The following PAPOLA variants were observed in gnomAD, a reference collection of about 807,000 sequenced individuals.
PAPOLA encodes polynucleotide adenylyltransferase alpha.
Under a neutral mutation model 100.6 loss-of-function variants are expected in PAPOLA, and 15 were observed. The observed-to-expected ratio is 0.15, with a 90% CI of 0.10 to 0.23. The LOEUF is 0.23. Ranked by LOEUF, PAPOLA falls within the 10% of genes least tolerant of loss-of-function variation. The pLI, the probability that PAPOLA is intolerant of heterozygous loss-of-function variation, is 1.00. For missense variants in PAPOLA, 533 were observed against 884.2 expected (o/e 0.60, Z 5.04); for synonymous variants, 293 against 300.0 (o/e 0.98, Z 0.24).
chr14:96,564,915 G>A (rs1334277602), intron 21 of PAPOLA, 40 bp from the exon 22 acceptor site: 1 of 994,734 alleles, frequency 1.0e-6, no homozygotes, highest in South Asian at 1.3e-5. Flanking sequence ...TTAAATTATG[G>A]TGCTTTGAAC....
intron 1 of PAPOLA, among the ~76,000 whole-genome samples, chr14:96,514,334 C>G (rs576822763): frequency 6.6e-6 from 1 of 151,938 alleles, no homozygotes; most frequent in Admixed American, 6.6e-5. Context: ...CCACCACGCC[C>G]GGCTAATTTT....
intron 12 of PAPOLA, 135 bp downstream of exon 12, chr14:96,537,195 T>C: frequency 1.6e-6 from 1 of 624,228 alleles, no homozygotes; most frequent in Non-Finnish European, 2.9e-6. Context: ...CATACTGTTT[T>C]AGTGAACTCC....
At chr14:96,522,834 A>G (rs1898114958) in intron 3 of PAPOLA, among the ~76,000 whole-genome samples, 1 of 152,236 alleles carries the variant, frequency 6.6e-6, no homozygotes, top group South Asian at 2.1e-4. Context: ...ATTTAAAAAA[A>G]TAACATAAAT....
At chr14:96,547,363 A>G (rs1196591368) in intron 15 of PAPOLA, among the ~76,000 whole-genome samples, 1 of 152,166 alleles carries the variant, frequency 6.6e-6, no homozygotes, top group Non-Finnish European at 1.5e-5. Context: ...TTTATCTTGC[A>G]GATTCTTGTA....
At chr14:96,531,882 T>C in intron 7 of PAPOLA, 3 of 1,366,974 alleles carry the variant, frequency 2.2e-6, no homozygotes, top group Non-Finnish European at 2.8e-6. Flanking sequence ...TAACCCAAAT[T>C]AATTTTGATC....
At position 96,520,187 on chromosome 14, in the gene PAPOLA, A is replaced by C. The variant is rs1897829464; in HGVS notation, c.141A>C (p.Lys47Asn). The change falls in exon 2 of 22, where the codon AAA becomes AAC. Residue 47 changes from lysine (K) to asparagine (N), a missense_variant. Around this residue, in one of 9 missense-constraint regions of PAPOLA, gnomAD observed 54 missense variants for 133.2 expected, o/e 0.41. Transcript: ENST00000216277. ...CACAGAAACTAATTGAGACATTGAAACCCTTTGGGGTTTTTGAAGAGGAAG... is the reference window on the plus strand; with the variant it reads ...CACAGAAACTAATTGAGACATTGAACCCCTTTGGGGTTTTTGAAGAGGAAG... ...VLTQKLIETL[K>N]PFGVFEEEEE... 6.2e-7 allele frequency: 1 copy of C among 1,613,794 alleles called. No homozygotes were observed. The highest frequency in any genetic ancestry group is 8.5e-7 in the Non-Finnish European group (1 of 1,179,910).
At chr14:96,539,492 T>G (rs891867277) in intron 12 of PAPOLA, among the ~76,000 whole-genome samples, 1 of 152,128 alleles carries the variant, frequency 6.6e-6, no homozygotes, top group Non-Finnish European at 1.5e-5. Context: ...AATTAAGTGT[T>G]TTTAGGGCAC....
At chr14:96,562,991 T>G (rs991955503) in intron 21 of PAPOLA, 98 bp downstream of exon 21, 1 of 710,460 alleles carries the variant, frequency 1.4e-6, no homozygotes, top group African/African-American at 1.8e-5. Context: ...CTATTAAAAT[T>G]AATCTTTCTG....
intron 2 of PAPOLA, among the ~76,000 whole-genome samples, chr14:96,520,776 T>G (rs1228310975): frequency 6.6e-6 from 1 of 152,086 alleles, no homozygotes; most frequent in Non-Finnish European, 1.5e-5. Flanking sequence ...TACTGAATTG[T>G]CTGGAGAAAA....
At chr14:96,557,406 A>G (rs571147053) in intron 19 of PAPOLA, among the ~76,000 whole-genome samples, 1 of 152,284 alleles carries the variant, frequency 6.6e-6, no homozygotes, top group African/African-American at 2.4e-5. Flanking sequence ...AGTTTTGGGA[A>G]AACCATTAAA....
chr14:96,529,000 T>G (rs142057983), intron 6 of PAPOLA, among the ~76,000 whole-genome samples: 10 of 152,092 alleles, frequency 6.6e-5, no homozygotes, highest in African/African-American at 2.4e-4. Flanking sequence ...AAAGAGGACT[T>G]TTTTTTGGAA....
intron 12 of PAPOLA, among the ~76,000 whole-genome samples, chr14:96,539,551 AT>A (rs906446035): frequency 2.6e-5 from 4 of 152,108 alleles, no homozygotes; most frequent in Non-Finnish European, 5.9e-5. Context: ...AGTTAAATTT[AT>A]TTTTAACTAT....
chr14:96,527,227 G>T (rs1451553747), intron 4 of PAPOLA: 2 of 521,516 alleles, frequency 3.8e-6, no homozygotes, highest in Non-Finnish European at 6.7e-6. Flanking sequence ...ATAAATAGAG[G>T]ATGCTGCAGG....
intron 9 of PAPOLA, 40 bp from the exon 10 acceptor site, chr14:96,534,451 A>G: frequency 6.2e-7 from 1 of 1,606,178 alleles, no homozygotes; most frequent in Non-Finnish European, 8.5e-7. Context: ...AGATGGTAAT[A>G]TCCAATAGTC....
intron 10 of PAPOLA, chr14:96,535,565 T>A (rs1899447689): frequency 2.4e-5 from 24 of 1,020,422 alleles, no homozygotes; most frequent in Non-Finnish European, 2.7e-5. Context: ...CATCCCCATT[T>A]CTGTTGTTGA....
In PAPOLA at chr14:96,564,967, A is replaced by G. The variant is rs1186063759; in HGVS notation, c.2155A>G (p.Thr719Ala). Reference protein sequence around the residue: ...SLLASQKTSSTDLSDIPALPA... With the variant: ...SLLASQKTSSADLSDIPALPA... Reference sequence around the variant, plus strand: ...CTTTCATTCTCAGAAAACATCCAGTACAGACCTTTCTGATATCCCTGCTCT... The same window carrying G: ...CTTTCATTCTCAGAAAACATCCAGTGCAGACCTTTCTGATATCCCTGCTCT... The change falls in exon 22 of 22, where the codon ACA becomes GCA. Residue 719 changes from threonine (T) to alanine (A), a missense_variant. Coordinates refer to ENST00000216277, the MANE Select transcript of PAPOLA (RefSeq NM_032632.5). 1 of 1,555,050 alleles carries G rather than the reference A, an allele frequency of 6.4e-7. No homozygotes were observed. The highest frequency in any genetic ancestry group is 1.7e-5 in the Admixed American group (1 of 59,926).
At chr14:96,511,330 G>A (rs1897094622) in intron 1 of PAPOLA, among the ~76,000 whole-genome samples, 1 of 152,162 alleles carries the variant, frequency 6.6e-6, no homozygotes, top group Non-Finnish European at 1.5e-5. Context: ...GGAGGTCAAG[G>A]TGGGAGGATT....
intron 11 of PAPOLA, chr14:96,536,773 C>A: frequency 2.4e-6 from 1 of 410,584 alleles, no homozygotes. Context: ...TACCAGAAAC[C>A]TGGTTCTCAA....
intron 21 of PAPOLA, among the ~76,000 whole-genome samples, chr14:96,564,531 T>C (rs1902128925): frequency 6.6e-6 from 1 of 152,108 alleles, no homozygotes; most frequent in African/African-American, 2.4e-5. Flanking sequence ...AATAATAAAT[T>C]TACTGCTGCT....
Sources: allele counts gnomAD v4.1 joint callset (sites outside exome capture counted in the v4.1 genomes callset), GRCh38; gene constraint gnomAD v4.1.1; regional missense constraint gnomAD v4.1.1; transcripts MANE v1.5; gene names NCBI Gene and HGNC (gene_info 2026-07-23, HGNC 2026-07-21).